Variants in WASF1 observed in about 807,000 individuals in gnomAD.
The protein encoded by WASF1 is actin-binding protein WASF1.
In WASF1, 7 loss-of-function variants were observed where a neutral mutation model predicts 50.5. That is an observed-to-expected ratio of 0.14 (90% confidence interval 0.08 to 0.26). The LOEUF is 0.26. Ranked by LOEUF, WASF1 falls within the 10% of genes least tolerant of loss-of-function variation. WASF1 has a pLI of 1.00. For missense variants in WASF1, 470 were observed against 694.7 expected (o/e 0.68, Z 3.64); for synonymous variants, 205 against 244.0 (o/e 0.84, Z 1.49).
intron 3 of WASF1, among the ~76,000 whole-genome samples, chr6:110,128,253 A>G (rs1404695535): frequency 1.3e-5 from 2 of 152,198 alleles, no homozygotes; most frequent in Non-Finnish European, 2.9e-5. Flanking sequence ...CTTGCTTTCA[A>G]TGTCAGCTGC....
At chr6:110,145,985 G>C (rs1373369058) in intron 3 of WASF1, among the ~76,000 whole-genome samples, 2 of 131,194 alleles carry the variant, frequency 1.5e-5, no homozygotes, top group Non-Finnish European at 3.2e-5. Flanking sequence ...ACTGTTGTGG[G>C]GTGGGGGGAG....
rs1475689527 is a variant in WASF1, at chr6:110,108,808, T to A, written c.269-127A>T. On this transcript the variant is annotated intron_variant, in intron 5 of 10. Coordinates refer to ENST00000392589, the MANE Select transcript of WASF1 (RefSeq NM_003931.3). ...AAGAGGTTGTGACCTTAGTGGCTTA[T>A]GAATCAGAAACCATATTTTAAATGT... The A allele has an allele frequency of 5.1e-6, 4 of 778,718 alleles. No individual in the cohort carries two copies. In the African/African-American group the frequency reaches 7.0e-5, roughly 14 times the overall value. 48.2% of individuals were successfully genotyped at this position (778,718 alleles called of 1,614,324 possible).
At chr6:110,143,243 T>C (rs189409814) in intron 3 of WASF1, among the ~76,000 whole-genome samples, 7 of 152,142 alleles carry the variant, frequency 4.6e-5, no homozygotes, top group Admixed American at 3.3e-4. Flanking sequence ...ATACTGTTTA[T>C]AAGATCTCAC....
rs1255828907 is a variant in WASF1 at position 110,102,061 on chromosome 6, G to C, written c.1049C>G (p.Pro350Arg). The change falls in exon 10 of 11, where the codon CCT (proline) becomes CGT (arginine). Residue 350 changes from proline to arginine, a missense_variant. Pro to Arg is a moderately radical substitution (Grantham distance 103). Transcript: ENST00000392589. ...AGGTGGAGGTGGGGGAGGTACTGGA[G>C]GGGGAGGAGTTGAAGTCATTGAAGC... ...LRASMTSTPP[P>R]PVPPPPPPPA... 2.6e-6 allele frequency: 4 copies of C among 1,519,242 alleles called. No individual in the cohort carries two copies. The highest frequency in any genetic ancestry group is 1.8e-4 in the Middle Eastern group (1 of 5,598). The allele number at this position is 1,519,242 out of a possible 1,614,324, so 94.1% of individuals were successfully genotyped here. A position where few individuals can be genotyped will look rare whatever the true frequency, so the allele number is the denominator to read the frequency against.
intron 3 of WASF1, among the ~76,000 whole-genome samples, chr6:110,128,682 T>C (rs182626822): frequency 6.6e-6 from 1 of 152,316 alleles, no homozygotes; most frequent in East Asian, 1.9e-4. Context: ...ATTGCACAAA[T>C]ACAAACTTCA....
At chr6:110,101,448 A>G in intron 10 of WASF1, 140 bp downstream of exon 10, 1 of 1,043,336 alleles carries the variant, frequency 9.6e-7, no homozygotes, top group Non-Finnish European at 1.3e-6. Flanking sequence ...AGTTGGATAT[A>G]GCTTTACTTT....
chr6:110,167,943 A>C (rs924794402), intron 2 of WASF1, among the ~76,000 whole-genome samples: 1 of 151,972 alleles, frequency 6.6e-6, no homozygotes, highest in South Asian at 2.1e-4. Context: ...TTTACATACC[A>C]CACTGAGTAT....
Position 110,102,108 on chromosome 6 carries a change from G to A in WASF1, c.1002C>T (p.Ala334=), listed in dbSNP as rs774867318. Residue 334 remains alanine (A), a synonymous_variant, in exon 10 of 11, where the codon GCC becomes GCT. Coordinates refer to ENST00000392589, the MANE Select transcript of WASF1 (RefSeq NM_003931.3). ...AAGCTCTTAATGAGGAAGTTGACAAGGCAGATGGAAGAGGTGGTGGAGGAG... is the reference window on the plus strand; with the variant it reads ...AAGCTCTTAATGAGGAAGTTGACAAAGCAGATGGAAGAGGTGGTGGAGGAG... ...PPPPPPPLPS[A]LSTSSLRASM... 1 of 1,497,526 alleles carries A rather than the reference G, an allele frequency of 6.7e-7. No homozygotes were observed. The highest frequency in any genetic ancestry group is 2.4e-5 in the Admixed American group (1 of 41,636). 92.8% of individuals were successfully genotyped at this position (1,497,526 alleles called of 1,614,324 possible).
In WASF1 at chr6:110,102,168, G is replaced by A. The variant is rs756256672; in HGVS notation, c.942C>T (p.Gly314=). The A allele has an allele frequency of 1.0e-5, 15 of 1,438,810 alleles. No homozygotes were observed. 89.1% of individuals were successfully genotyped at this position (1,438,810 alleles called of 1,614,324 possible). A position where few individuals can be genotyped will look rare whatever the true frequency, so the allele number is the denominator to read the frequency against. The change falls in exon 10 of 11, where the codon GGC becomes GGT. Residue 314 remains glycine, a synonymous_variant. Transcript: ENST00000392589. ...TGGGGCTCACAAACACAGGTGTTCT[G>A]CCTGTAGCTGGTGACTGAGGGCGAT... ...IENRPQSPAT[G]RTPVFVSPTP... is the part of the protein sequence containing the mutation.
At chr6:110,133,044 TG>T (rs200241017) in intron 3 of WASF1, among the ~76,000 whole-genome samples, 1,875 of 151,446 alleles carry the variant, frequency 0.012, 46 homozygotes, top group African/African-American at 0.044. Flanking sequence ...CATAGCAAGC[TG>T]GATGGAATTG....
intron 2 of WASF1, among the ~76,000 whole-genome samples, chr6:110,174,228 C>CAGTGTAAATCT: frequency 6.8e-6 from 1 of 147,000 alleles, no homozygotes; most frequent in Admixed American, 6.7e-5. Flanking sequence ...GAAGCCTCCC[C>CAGTGTAAATCT]TGACTCCCAG....
intron 9 of WASF1, 48 bp from the exon 10 acceptor site, chr6:110,102,264 A>C: frequency 7.4e-7 from 1 of 1,349,096 alleles, no homozygotes; most frequent in Non-Finnish European, 9.6e-7. Context: ...AGAAAAGCCT[A>C]AAGAGAAAAT....
chr6:110,111,432 A>G (rs2114472032), intron 5 of WASF1, among the ~76,000 whole-genome samples: 1 of 152,308 alleles, frequency 6.6e-6, no homozygotes, highest in East Asian at 1.9e-4. Context: ...TAAAGGATTT[A>G]GATCCAGAAT....
intron 4 of WASF1, among the ~76,000 whole-genome samples, chr6:110,120,305 CA>C (rs1229263194): frequency 6.6e-6 from 1 of 152,164 alleles, no homozygotes; most frequent in Non-Finnish European, 1.5e-5. Flanking sequence ...TGTCTCAGCT[CA>C]AAATCTCCTT....
intron 3 of WASF1, among the ~76,000 whole-genome samples, chr6:110,155,083 G>A (rs978214555): frequency 1.3e-5 from 2 of 151,970 alleles, no homozygotes; most frequent in Non-Finnish European, 1.5e-5. Context: ...AATGAACCAC[G>A]TGCTCCTAAT....
At chr6:110,124,226 C>CTCT (rs1195590873) in intron 4 of WASF1, among the ~76,000 whole-genome samples, 29 of 60,616 alleles carry the variant, frequency 4.8e-4, no homozygotes, top group East Asian at 1.2e-3. Flanking sequence ...TCCTCTCTCT[C>CTCT]CTCTCTCTCC....
intron 3 of WASF1, among the ~76,000 whole-genome samples, chr6:110,141,840 C>T (rs1037609803): frequency 1.1e-4 from 16 of 151,634 alleles, no homozygotes; most frequent in East Asian, 7.7e-4. Context: ...GGCATGATCT[C>T]GGCTCACTGC....
At chr6:110,127,355 T>A in intron 4 of WASF1, 114 bp downstream of exon 4, 1 of 894,302 alleles carries the variant, frequency 1.1e-6, no homozygotes, top group Non-Finnish European at 1.5e-6. Context: ...TCAGGATAAT[T>A]TTGTACTCTT....
At chr6:110,120,787 C>T (rs144529572) in intron 4 of WASF1, among the ~76,000 whole-genome samples, 11,113 of 151,858 alleles carry the variant, frequency 0.073, 553 homozygotes, top group African/African-American at 0.14. Flanking sequence ...CTTCAAACTA[C>T]ACTACAAGGC....
Sources: allele counts gnomAD v4.1 joint callset (sites outside exome capture counted in the v4.1 genomes callset), GRCh38; gene constraint gnomAD v4.1.1; transcripts MANE v1.5; gene names NCBI Gene and HGNC (gene_info 2026-07-23, HGNC 2026-07-21).